The following HPSE variants were observed in gnomAD, a reference collection of about 807,000 sequenced individuals.
HPSE encodes the protein heparanase.
HPSE carries 48 observed loss-of-function variants against 65.1 expected under a neutral mutation model. That is an observed-to-expected ratio of 0.74 (90% CI 0.58 to 0.94). The LOEUF (loss-of-function observed/expected upper bound fraction) is 0.94, where lower values mean the gene tolerates loss of function less well. HPSE is among the 40% of genes least tolerant of loss of function. The pLI is 0.00. For synonymous variants in HPSE, 243 were observed against 260.0 expected (o/e 0.93, Z 0.63); for missense variants, 644 against 637.5 (o/e 1.01, Z -0.11).
At chr4:83,304,078 C>T (rs1364368456) in intron 9 of HPSE, among the ~76,000 whole-genome samples, 1 of 151,932 alleles carries the variant, frequency 6.6e-6, no homozygotes, top group East Asian at 1.9e-4. Context: ...CAGAAAATAC[C>T]AGGGAACAAG....
At chr4:83,333,851 AAAAAAAGAAAAG>A (rs1206023650) in intron 1 of HPSE, among the ~76,000 whole-genome samples, 1 of 151,988 alleles carries the variant, frequency 6.6e-6, no homozygotes, top group East Asian at 1.9e-4. Flanking sequence ...GCCTAAAAAA[AAAAAAAGAAAAG>A]AAAAAAGAAA....
chr4:83,297,821 G>A (rs1419678685), intron 11 of HPSE, among the ~76,000 whole-genome samples: 3 of 152,122 alleles, frequency 2.0e-5, no homozygotes, highest in African/African-American at 7.2e-5. Context: ...CCATCATCAG[G>A]AAACCACAAA....
chr4:83,324,302 CT>C (rs1288649730), intron 1 of HPSE, among the ~76,000 whole-genome samples: 2 of 151,820 alleles, frequency 1.3e-5, no homozygotes, highest in African/African-American at 4.8e-5. Flanking sequence ...GCCAGTACCT[CT>C]TAATATCCTA....
intron 3 of HPSE, among the ~76,000 whole-genome samples, chr4:83,319,044 G>A (rs777355456): frequency 1.6e-4 from 25 of 152,116 alleles, no homozygotes; most frequent in Middle Eastern, 3.4e-3. Context: ...TTTTACATGA[G>A]GAATATATTC....
Position 83,301,070 on chromosome 4 carries a change from G to T in HPSE, c.1362C>A (p.Ala454=). The stretch of plus-strand genomic sequence containing the variant: ...ACTTGGTGACATTATGGAGGTTTAT[G>T]GCATACAGAGTTAAATCTCCTTCTT... ...RYKEGDLTLY[A]INLHNVTKYL... Residue 454 remains alanine, a synonymous_variant, in exon 11 of 12, where the codon GCC becomes GCA. Transcript: ENST00000311412. The T allele has an allele frequency of 6.2e-7, 1 of 1,604,014 alleles. No homozygotes were observed. Among genetic ancestry groups the T allele is most frequent in the Non-Finnish European group, 8.5e-7 (1 of 1,174,512 alleles).
At position 83,295,448 on chromosome 4, in the gene HPSE, G is replaced by C. The variant is rs371462727; in HGVS notation, c.1528C>G (p.Pro510Ala). Reference protein sequence around the residue: ...LKMVDDQTLPPLMEKPLRPGS... With the variant: ...LKMVDDQTLPALMEKPLRPGS... The stretch of plus-strand genomic sequence containing the variant: ...GGCCGGAGAGGTTTTTCCATTAAAG[G>C]TGGCAAGGTTTGATCATCCACCATC... The change falls in exon 12 of 12, where the codon CCT becomes GCT. Residue 510 changes from proline (P) to alanine (A), a missense_variant. Coordinates refer to ENST00000311412, the MANE Select transcript of HPSE (RefSeq NM_001098540.3). 1 of 1,612,944 alleles carries C rather than the reference G, an allele frequency of 6.2e-7. No homozygotes were observed. Among genetic ancestry groups the C allele is most frequent in the Non-Finnish European group, 8.5e-7 (1 of 1,179,324 alleles).
intron 2 of HPSE, among the ~76,000 whole-genome samples, chr4:83,320,129 T>C (rs2126193758): frequency 6.6e-6 from 1 of 152,116 alleles, no homozygotes; most frequent in South Asian, 2.1e-4. Context: ...TCCATAGCAA[T>C]TTGTTTTACA....
Position 83,301,143 on chromosome 4 carries a change from T to C in HPSE, c.1326-37A>G, listed in dbSNP as rs764766173. On this transcript the variant is annotated intron_variant, in intron 10 of 11. Transcript: ENST00000311412. The stretch of plus-strand genomic sequence containing the variant: ...GAGGTTAACTTAATAGAAATATGTA[T>C]CTAATTTAAGCAATTAAAAACTCAA... 21 of 1,393,128 alleles carry C rather than the reference T, an allele frequency of 1.5e-5. 1 individual carries two copies. The South Asian group carries it at 2.8e-4, about 18-fold the overall frequency. The allele number at this position is 1,393,128 out of a possible 1,614,324, so 86.3% of individuals were successfully genotyped here.
chr4:83,307,161 A>C (rs1736173225), intron 8 of HPSE, among the ~76,000 whole-genome samples: 1 of 152,242 alleles, frequency 6.6e-6, no homozygotes, highest in African/African-American at 2.4e-5. Flanking sequence ...TTGAGTAATA[A>C]TAAAACTCTG....
At chr4:83,306,766 G>A (rs1298195137) in intron 8 of HPSE, among the ~76,000 whole-genome samples, 1 of 152,052 alleles carries the variant, frequency 6.6e-6, no homozygotes, top group African/African-American at 2.4e-5. Flanking sequence ...TTCTTGCCTG[G>A]GGACAAGTCT....
chr4:83,335,134 C>A (rs987795444), upstream of HPSE: 1 of 230,900 alleles, frequency 4.3e-6, no homozygotes, highest in Admixed American at 5.7e-5. Flanking sequence ...CGGGGAGGAG[C>A]GCCCGGGGAG....
At position 83,294,539 on chromosome 4, in the gene HPSE, A is replaced by G. The variant is rs1043429986; in HGVS notation, c.*805T>C. On this transcript the variant is annotated 3_prime_UTR_variant, in exon 12 of 12. Coordinates refer to ENST00000311412, the MANE Select transcript of HPSE (RefSeq NM_001098540.3). Reference sequence around the variant, plus strand: ...CTGGAAGGCCAAGGTGGGAGGATCAATTGAGTCCAGGAGTTCAGGACCAGT... The same window carrying G: ...CTGGAAGGCCAAGGTGGGAGGATCAGTTGAGTCCAGGAGTTCAGGACCAGT... 6.6e-6 allele frequency: 1 copy of G among 152,404 alleles called. No homozygotes were observed. The highest frequency in any genetic ancestry group is 1.5e-5 in the Non-Finnish European group (1 of 68,110). The allele number at this position is 152,404 out of a possible 1,614,324, so 9.4% of individuals were successfully genotyped here. A position where few individuals can be genotyped will look rare whatever the true frequency, so the allele number is the denominator to read the frequency against.
chr4:83,306,395 T>G, intron 8 of HPSE, 78 bp from the exon 9 acceptor site: 1 of 717,500 alleles, frequency 1.4e-6, no homozygotes, highest in Non-Finnish European at 2.5e-6. Flanking sequence ...CATCTTGATT[T>G]TATTTATGTA....
chr4:83,322,588 G>T (rs565625616), intron 1 of HPSE, among the ~76,000 whole-genome samples: 3 of 152,038 alleles, frequency 2.0e-5, no homozygotes, highest in African/African-American at 7.2e-5. Context: ...TGCTTGCCGG[G>T]TTGAAGCAGT....
At position 83,293,799 on chromosome 4, in the gene HPSE, T is replaced by C. The variant is rs1416741192; in HGVS notation, c.*1545A>G. 6.6e-6 allele frequency: 1 copy of C among 152,220 alleles called. No individual in the cohort carries two copies. The allele number at this position is 152,220 out of a possible 1,614,324, so 9.4% of individuals were successfully genotyped here. A position where few individuals can be genotyped will look rare whatever the true frequency, so the allele number is the denominator to read the frequency against. ...AATCTGTCCTCTCACATATTATTGC[T>C]GACAAAGAAAACCGAAAGAAGAAAA... On this transcript the variant is annotated 3_prime_UTR_variant, in exon 12 of 12. Transcript: ENST00000311412.
At position 83,294,573 on chromosome 4, in the gene HPSE, CAT is replaced by C. The variant is rs1282277714; in HGVS notation, c.*769_*770del. The C allele has an allele frequency of 6.6e-6, 1 of 152,146 alleles. No homozygotes were observed. The highest frequency in any genetic ancestry group is 2.4e-5 in the African/African-American group (1 of 41,392). The allele number at this position is 152,146 out of a possible 1,614,324, so 9.4% of individuals were successfully genotyped here. ...AGGAGTTCAGGACCAGTTTGGGTAA[CAT>C]AGCGAGACCCCATCTCTACAAAAAA... On this transcript the variant is annotated 3_prime_UTR_variant, in exon 12 of 12. Coordinates refer to ENST00000311412, the MANE Select transcript of HPSE (RefSeq NM_001098540.3).
intron 2 of HPSE, among the ~76,000 whole-genome samples, chr4:83,321,498 G>C (rs1160692723): frequency 1.3e-5 from 2 of 152,018 alleles, no homozygotes; most frequent in African/African-American, 4.8e-5. Flanking sequence ...AAAAAATAGA[G>C]ACAACGTCTC....
chr4:83,309,984 A>G, intron 6 of HPSE, 47 bp downstream of exon 6: 1 of 1,385,140 alleles, frequency 7.2e-7, no homozygotes, highest in South Asian at 1.2e-5. Context: ...GGTAATAAAT[A>G]AAGCTAGCCT....
chr4:83,300,266 A>G (rs12503843), intron 11 of HPSE, among the ~76,000 whole-genome samples: 96,527 of 152,060 alleles, frequency 0.63, 32,150 homozygotes, highest in East Asian at 0.87. Context: ...ATGCTGTAAA[A>G]GAATCACACT....
Sources: allele counts gnomAD v4.1 joint callset (sites outside exome capture counted in the v4.1 genomes callset), GRCh38; gene constraint gnomAD v4.1.1; transcripts MANE v1.5; gene names NCBI Gene and HGNC (gene_info 2026-07-23, HGNC 2026-07-21).